Variants in CACNA1E observed in about 807,000 individuals in gnomAD.
The protein encoded by CACNA1E is calcium voltage-gated channel subunit alpha1 E.
CACNA1E carries 40 observed loss-of-function variants against 259.2 expected under a neutral mutation model. That is an observed-to-expected ratio of 0.15 (90% CI 0.12 to 0.20). CACNA1E has a LOEUF of 0.20. Ranked by LOEUF, CACNA1E falls within the 10% of genes least tolerant of loss-of-function variation. The pLI is 1.00. For synonymous variants in CACNA1E, 1,104 were observed against 1,138.5 expected (o/e 0.97, Z 0.61); for missense variants, 1,874 against 3,040.1 (o/e 0.62, Z 9.02).
intron 7 of CACNA1E, among the ~76,000 whole-genome samples, chr1:181,689,739 C>A (rs1042431371): frequency 1.7e-4 from 26 of 152,084 alleles, no homozygotes; most frequent in African/African-American, 6.0e-4. Context: ...TGATGATGAG[C>A]TTTTTTTCAT....
In CACNA1E at chr1:181,711,040, A is replaced by G. The variant is rs772327594; in HGVS notation, c.1142A>G (p.Asn381Ser). 6.2e-7 allele frequency: 1 copy of G among 1,613,844 alleles called. No individual in the cohort carries two copies. The highest frequency in any genetic ancestry group is 1.7e-5 in the Admixed American group (1 of 60,026). ...CAGCAGCAGATTGAGCGTGAGCTGA[A>G]TGGCTACCGTGCCTGGATAGACAAA... is the stretch of plus-strand genomic sequence containing the variant. ...RRQQQIEREL[N>S]GYRAWIDKAE... Residue 381 changes from asparagine (N) to serine (S), a missense_variant, in exon 8 of 48, where the codon AAT becomes AGT. Coordinates refer to ENST00000367573, the MANE Select transcript of CACNA1E (RefSeq NM_001205293.3).
Position 181,771,387 on chromosome 1 carries a change from A to T in CACNA1E, c.4973+3A>T, listed in dbSNP as rs1558371091. ...GGGTCCCTAATGCTACTCTTCAGGT[A>T]CCTGGATGCGTAACTGTCATAGCTG... On this transcript the variant is annotated splice_donor_region_variant and intron_variant, in intron 36 of 47. Coordinates refer to ENST00000367573, the MANE Select transcript of CACNA1E (RefSeq NM_001205293.3). The T allele has an allele frequency of 6.5e-7, 1 of 1,539,944 alleles. No homozygotes were observed. Among genetic ancestry groups the T allele is most frequent in the South Asian group, 1.2e-5 (1 of 86,866 alleles).
chr1:181,589,759 C>T (rs886258076), intron 6 of CACNA1E, among the ~76,000 whole-genome samples: 1 of 152,104 alleles, frequency 6.6e-6, no homozygotes, highest in Non-Finnish European at 1.5e-5. Context: ...TTCTGGACAG[C>T]CCATGTAGAA....
At chr1:181,359,357 A>G (rs952571630) in intron 1 of CACNA1E, among the ~76,000 whole-genome samples, 3 of 152,214 alleles carry the variant, frequency 2.0e-5, no homozygotes, top group African/African-American at 7.2e-5. Context: ...GAAGAAAGTG[A>G]CGTTTGCACT....
At chr1:181,568,444 A>G (rs1650065756) in intron 3 of CACNA1E, among the ~76,000 whole-genome samples, 1 of 152,238 alleles carries the variant, frequency 6.6e-6, no homozygotes, top group African/African-American at 2.4e-5. Context: ...TTTTGAGCTT[A>G]GAGTAGCAGT....
At chr1:181,775,240 G>A (rs1456750738) in intron 37 of CACNA1E, among the ~76,000 whole-genome samples, 1 of 152,194 alleles carries the variant, frequency 6.6e-6, no homozygotes, top group Non-Finnish European at 1.5e-5. Flanking sequence ...TCACAGGAGG[G>A]CATCCCACTG....
chr1:181,636,509 A>G (rs1471824318), intron 6 of CACNA1E, among the ~76,000 whole-genome samples: 1 of 152,216 alleles, frequency 6.6e-6, no homozygotes, highest in Non-Finnish European at 1.5e-5. Flanking sequence ...GACTAAATAA[A>G]TCTCCAGGAT....
chr1:181,525,506 A>G (rs964422190), intron 3 of CACNA1E, among the ~76,000 whole-genome samples: 2 of 152,222 alleles, frequency 1.3e-5, no homozygotes, highest in South Asian at 4.1e-4. Context: ...GCCTAGGGGT[A>G]GTCAGCCAGC....
At position 181,805,648 on chromosome 1, in the gene CACNA1E, T is replaced by C. The variant is rs147408574; in HGVS notation, c.*6814T>C. 2.0e-5 allele frequency: 3 copies of C among 152,336 alleles called. No homozygotes were observed. Among genetic ancestry groups the C allele is most frequent in the Non-Finnish European group, 2.9e-5 (2 of 68,032 alleles). 9.4% of individuals were successfully genotyped at this position (152,336 alleles called of 1,614,324 possible). A position where few individuals can be genotyped will look rare whatever the true frequency, so the allele number is the denominator to read the frequency against. ...AACTTTAGTCAGTGTTTTTCTATCATGTTGTTTTGTGAACAAGTCAAAATT... is the reference window on the plus strand; with the variant it reads ...AACTTTAGTCAGTGTTTTTCTATCACGTTGTTTTGTGAACAAGTCAAAATT... On this transcript the variant is annotated 3_prime_UTR_variant, in exon 48 of 48. Transcript: ENST00000367573.
intron 1 of CACNA1E, among the ~76,000 whole-genome samples, chr1:181,379,255 G>A (rs888788557): frequency 2.6e-5 from 4 of 152,092 alleles, no homozygotes; most frequent in Non-Finnish European, 5.9e-5. Context: ...TATGCAACTG[G>A]AATCCACAAA....
intron 1 of CACNA1E, among the ~76,000 whole-genome samples, chr1:181,343,978 C>G (rs1045319702): frequency 6.6e-6 from 1 of 152,180 alleles, no homozygotes; most frequent in Non-Finnish European, 1.5e-5. Context: ...CCTGGCTACT[C>G]TTGCTCACCC....
At chr1:181,632,274 C>G (rs199912) in intron 6 of CACNA1E, among the ~76,000 whole-genome samples, 1 of 151,906 alleles carries the variant, frequency 6.6e-6, no homozygotes, top group Admixed American at 6.6e-5. Flanking sequence ...TTCTTGTATC[C>G]GTACATTTCC....
chr1:181,585,413 C>A lies in CACNA1E; in HGVS notation c.951+4637C>A, dbSNP rs574920280. 1.3e-3 allele frequency among the ~76,000 whole-genome samples: 200 copies of A among 152,262 alleles called. 3 individuals are homozygous for A. The highest frequency in any genetic ancestry group is 1.3e-4 in the Non-Finnish European group (9 of 68,026). On this transcript the variant is annotated intron_variant, in intron 6 of 47. Coordinates refer to ENST00000367573, the MANE Select transcript of CACNA1E (RefSeq NM_001205293.3). The stretch of plus-strand genomic sequence containing the variant: ...CATTCACCAAATAATTTTTAAGTGG[C>A]TACTATGTGCCAAATACTGTTCTAG...
rs1254386193 is a variant in CACNA1E at position 181,714,225 on chromosome 1, G to A, written c.1172-1113G>A. On this transcript the variant is annotated intron_variant, in intron 8 of 47. Transcript: ENST00000367573. Reference sequence around the variant, plus strand: ...CACAACCATCACCCCACTCCCCACTGGTTCAGTAATTTGTTAGAATGACTC... The same window carrying A: ...CACAACCATCACCCCACTCCCCACTAGTTCAGTAATTTGTTAGAATGACTC... Among the ~76,000 whole-genome samples the A allele has an allele frequency of 2.6e-5, 4 of 152,152 alleles. No homozygotes were observed. The East Asian group carries it at 7.7e-4, about 29-fold the overall frequency.
At chr1:181,672,426 G>T (rs377262001) in intron 7 of CACNA1E, among the ~76,000 whole-genome samples, 13 of 152,204 alleles carry the variant, frequency 8.5e-5, no homozygotes, top group East Asian at 5.8e-4. Context: ...GGGGAAAGTT[G>T]CCCTAGTGGA....
intron 6 of CACNA1E, among the ~76,000 whole-genome samples, chr1:181,584,146 T>G (rs1343605241): frequency 6.6e-6 from 1 of 152,334 alleles, no homozygotes; most frequent in Middle Eastern, 3.4e-3. Context: ...TCTTTTATTG[T>G]ATCAGGACTA....
At chr1:181,325,583 T>C (rs774275186) in intron 1 of CACNA1E, among the ~76,000 whole-genome samples, 1 of 152,256 alleles carries the variant, frequency 6.6e-6, no homozygotes, top group Admixed American at 6.5e-5. Context: ...TGGGAACCCC[T>C]GTTAGAAGGA....
At chr1:181,533,455 G>A (rs898517121) in intron 3 of CACNA1E, among the ~76,000 whole-genome samples, 2 of 150,398 alleles carry the variant, frequency 1.3e-5, no homozygotes, top group Admixed American at 6.6e-5. Flanking sequence ...ATATATATGT[G>A]GTCTGTTTTT....
chr1:181,386,616 A>T (rs1271485425), intron 1 of CACNA1E, among the ~76,000 whole-genome samples: 8 of 152,194 alleles, frequency 5.3e-5, no homozygotes. Context: ...TTTATTGCAC[A>T]CTTGAATTGT....
Sources: allele counts gnomAD v4.1 joint callset (sites outside exome capture counted in the v4.1 genomes callset), GRCh38; gene constraint gnomAD v4.1.1; transcripts MANE v1.5; gene names NCBI Gene and HGNC (gene_info 2026-07-23, HGNC 2026-07-21).